Variants in INSYN2A observed in about 807,000 individuals in gnomAD.
The protein encoded by INSYN2A is family with sequence similarity 196 member A.
In INSYN2A, 17 loss-of-function variants were observed where a neutral mutation model predicts 39.4. The ratio of observed to expected loss-of-function variants is 0.43; its 90% CI spans 0.30 to 0.65. INSYN2A has a LOEUF of 0.65. Among genes scored for constraint, INSYN2A ranks in the 30% least tolerant of loss-of-function variants. The probability of loss-of-function intolerance (pLI) is 0.14; values close to 1 mark genes in which losing one functional copy is unlikely to be tolerated. For missense variants in INSYN2A, 595 were observed against 631.2 expected (o/e 0.94, Z 0.61); for synonymous variants, 255 against 265.7 (o/e 0.96, Z 0.39).
intron 4 of INSYN2A, among the ~76,000 whole-genome samples, chr10:127,158,778 C>T (rs1179681622): frequency 1.3e-5 from 2 of 152,198 alleles, no homozygotes; most frequent in Non-Finnish European, 2.9e-5. Context: ...TTGTGGCATT[C>T]ACTATGTATC....
Position 127,180,190 on chromosome 10 carries a change from A to T in INSYN2A, c.-268-3051T>A, listed in dbSNP as rs150153450. Among the ~76,000 whole-genome samples the T allele has an allele frequency of 5.0e-3, 768 of 152,340 alleles. 8 individuals carry two copies. The highest frequency in any genetic ancestry group is 0.018 in the African/African-American group (733 of 41,590). On this transcript the variant is annotated intron_variant, in intron 2 of 5. Transcript: ENST00000522781. ...TGCCCTTGTCTTGTTCCCACAGTGT[A>T]TCTGGGTGCTGGTTAGGCAAGGACA... is the stretch of plus-strand genomic sequence containing the variant.
At chr10:127,153,966 G>A (rs758335582) in intron 4 of INSYN2A, 43 bp from the exon 5 acceptor site, 4 of 1,456,180 alleles carry the variant, frequency 2.7e-6, no homozygotes, top group Non-Finnish European at 3.9e-6. Context: ...GGTGGCTGGG[G>A]GTCACTGGCT....
At chr10:127,163,238 G>A (rs546631162) in intron 4 of INSYN2A, among the ~76,000 whole-genome samples, 1 of 152,260 alleles carries the variant, frequency 6.6e-6, no homozygotes, top group East Asian at 1.9e-4. Flanking sequence ...TCTGCAGATC[G>A]GGGCTTGAGG....
chr10:127,151,194 A>G (rs1238697874), intron 5 of INSYN2A, among the ~76,000 whole-genome samples: 1 of 152,136 alleles, frequency 6.6e-6, no homozygotes, highest in Admixed American at 6.5e-5. Context: ...TTATAACATG[A>G]TAGGGAGTTT....
At position 127,147,803 on chromosome 10, in the gene INSYN2A, C is replaced by T. The variant is rs182425969; in HGVS notation, c.1256+6049G>A. ...ATCCTAGCACTTTGGGAAGTCGAGG[C>T]GGGTGGATCATGAGGTCAGGAGTTT... On this transcript the variant is annotated intron_variant, in intron 5 of 5. Coordinates refer to ENST00000522781, the MANE Select transcript of INSYN2A (RefSeq NM_001039762.3). Among the ~76,000 whole-genome samples, 1,071 of 151,708 alleles carry T rather than the reference C, an allele frequency of 7.1e-3. 11 individuals carry two copies. Among genetic ancestry groups the T allele is most frequent in the African/African-American group, 0.024 (1,003 of 41,370 alleles).
chr10:127,186,731 A>G (rs954242382), intron 2 of INSYN2A, among the ~76,000 whole-genome samples: 1 of 152,088 alleles, frequency 6.6e-6, no homozygotes, highest in Non-Finnish European at 1.5e-5. Context: ...GTACTTAGGA[A>G]TCTCATGCCA....
chr10:127,179,649 G>A (rs1564876725), intron 2 of INSYN2A, among the ~76,000 whole-genome samples: 1 of 152,146 alleles, frequency 6.6e-6, no homozygotes. Flanking sequence ...GGGGTGGAGG[G>A]TAAGGCTTAC....
intron 4 of INSYN2A, among the ~76,000 whole-genome samples, chr10:127,159,209 C>T (rs1022129320): frequency 2.0e-5 from 3 of 152,172 alleles, no homozygotes; most frequent in Non-Finnish European, 4.4e-5. Context: ...ATTTACATTT[C>T]TGTTTTGTAG....
intron 1 of INSYN2A, among the ~76,000 whole-genome samples, chr10:127,195,332 C>T (rs960703435): frequency 2.2e-4 from 34 of 152,200 alleles, no homozygotes; most frequent in Non-Finnish European, 3.8e-4. Flanking sequence ...GTTGGTTTCC[C>T]ACGCCTGTCC....
chr10:127,148,201 A>T (rs938536221), intron 5 of INSYN2A, among the ~76,000 whole-genome samples: 1 of 152,186 alleles, frequency 6.6e-6, no homozygotes, highest in African/African-American at 2.4e-5. Flanking sequence ...TCAGGTTCCA[A>T]GCCCACTCAT....
rs11016702 is a variant in INSYN2A, at chr10:127,190,681, C to G, written c.-269+1924G>C. 1.8e-4 allele frequency among the ~76,000 whole-genome samples: 12 copies of G among 65,680 alleles called. 3 individuals are homozygous for G. The highest frequency in any genetic ancestry group is 2.9e-4 in the Admixed American group (2 of 6,994). 43.1% of individuals were successfully genotyped at this position (65,680 alleles called of 152,430 possible). ...ATCCTATCTTCCCCCCCCCCCCCCCCCCGTTCCTGCTGGCTCCCAGATTTC... is the reference window on the plus strand; with the variant it reads ...ATCCTATCTTCCCCCCCCCCCCCCCGCCGTTCCTGCTGGCTCCCAGATTTC... On this transcript the variant is annotated intron_variant, in intron 2 of 5. Coordinates refer to ENST00000522781, the MANE Select transcript of INSYN2A (RefSeq NM_001039762.3).
chr10:127,141,367 A>G (rs2051225276), intron 5 of INSYN2A, among the ~76,000 whole-genome samples: 1 of 152,158 alleles, frequency 6.6e-6, no homozygotes, highest in Non-Finnish European at 1.5e-5. Flanking sequence ...GCAGTTGCCT[A>G]CGTAATATTG....
intron 2 of INSYN2A, among the ~76,000 whole-genome samples, chr10:127,179,606 C>A (rs751261869): frequency 6.6e-6 from 1 of 152,088 alleles, no homozygotes; most frequent in Non-Finnish European, 1.5e-5. Flanking sequence ...AAGGTGGACA[C>A]ATCTTTTCGG....
At chr10:127,169,172 T>C (rs568397785) in intron 4 of INSYN2A, among the ~76,000 whole-genome samples, 1 of 152,338 alleles carries the variant, frequency 6.6e-6, no homozygotes, top group Non-Finnish European at 1.5e-5. Flanking sequence ...ACATTATACA[T>C]ACATATTAGG....
intron 4 of INSYN2A, among the ~76,000 whole-genome samples, chr10:127,161,538 A>G (rs2053594182): frequency 6.6e-6 from 1 of 152,156 alleles, no homozygotes; most frequent in Admixed American, 6.5e-5. Flanking sequence ...AAGAGCACAA[A>G]TTGTGACCCT....
chr10:127,155,973 CAGG>C (rs1203112501), intron 4 of INSYN2A, among the ~76,000 whole-genome samples: 1 of 152,152 alleles, frequency 6.6e-6, no homozygotes, highest in Non-Finnish European at 1.5e-5. Context: ...AGCCAGCAGT[CAGG>C]AGAAAGTACC....
Position 127,136,387 on chromosome 10 carries a change from T to C in INSYN2A, c.*1450A>G, listed in dbSNP as rs1017856561. The C allele has an allele frequency of 1.3e-5, 2 of 151,602 alleles. No individual in the cohort carries two copies. The highest frequency in any genetic ancestry group is 4.9e-5 in the African/African-American group (2 of 41,200). 9.4% of individuals were successfully genotyped at this position (151,602 alleles called of 1,614,324 possible). On this transcript the variant is annotated 3_prime_UTR_variant, in exon 6 of 6. Transcript: ENST00000522781. The stretch of plus-strand genomic sequence containing the variant: ...GCATCTAGTCAATGAGGTGTGCATG[T>C]CAGCACTCCACTAGATGTGAAACTG...
At chr10:127,158,257 T>C (rs540311043) in intron 4 of INSYN2A, among the ~76,000 whole-genome samples, 1 of 152,366 alleles carries the variant, frequency 6.6e-6, no homozygotes, top group Non-Finnish European at 1.5e-5. Context: ...ATTCTCTATA[T>C]TGCCATTGCC....
Position 127,140,511 on chromosome 10 carries a change from C to T in INSYN2A, c.1257-2491G>A, listed in dbSNP as rs115515095. 9.7e-4 allele frequency among the ~76,000 whole-genome samples: 147 copies of T among 152,262 alleles called. 1 individual carries two copies. Among genetic ancestry groups the T allele is most frequent in the African/African-American group, 3.2e-3 (133 of 41,530 alleles). On this transcript the variant is annotated intron_variant, in intron 5 of 5. Transcript: ENST00000522781. ...GTGGATCTGCGTGTGGGATGACGCC[C>T]GTGCACCAGCCAGGCAACGTGTGCA...
Sources: allele counts gnomAD v4.1 joint callset (sites outside exome capture counted in the v4.1 genomes callset), GRCh38; gene constraint gnomAD v4.1.1; transcripts MANE v1.5; gene names NCBI Gene and HGNC (gene_info 2026-07-23, HGNC 2026-07-21).